The following MFSD11 variants were observed in gnomAD, a reference collection of about 807,000 sequenced individuals.
MFSD11 encodes the protein UNC93-like protein MFSD11.
In MFSD11, 36 loss-of-function variants were observed where a neutral mutation model predicts 53.5. The ratio of observed to expected loss-of-function variants is 0.67; its 90% CI spans 0.52 to 0.89. The LOEUF is 0.89. Among genes scored for constraint, MFSD11 ranks in the 40% least tolerant of loss-of-function variants. MFSD11 has a pLI of 0.00. For missense variants in MFSD11, 530 were observed against 543.9 expected (o/e 0.97, Z 0.25); for synonymous variants, 186 against 184.9 (o/e 1.01, Z -0.05).
intron 5 of MFSD11, among the ~76,000 whole-genome samples, chr17:76,742,616 C>CCA (rs2078198818): frequency 6.6e-6 from 1 of 152,076 alleles, no homozygotes; most frequent in Non-Finnish European, 1.5e-5. Flanking sequence ...AATTCTCCTG[C>CCA]CTTAGCCTCC....
At chr17:76,750,718 A>G (rs777145409) in intron 7 of MFSD11, among the ~76,000 whole-genome samples, 6 of 151,528 alleles carry the variant, frequency 4.0e-5, no homozygotes, top group Non-Finnish European at 7.4e-5. Context: ...TCTTAAGTTA[A>G]CAAGATCTTC....
chr17:76,788,625 G>A, the MFSD11 span, among the ~76,000 whole-genome samples: 2 of 149,516 alleles, frequency 1.3e-5, 1 homozygote, highest in Non-Finnish European at 3.0e-5. Flanking sequence ...GCCGAGGCAG[G>A]TGGATCATGA....
chr17:76,781,845 A>G (rs1017340975), downstream of MFSD11, among the ~76,000 whole-genome samples: 39 of 152,162 alleles, frequency 2.6e-4, no homozygotes, highest in Admixed American at 3.9e-4. Flanking sequence ...TGTTAGAGAC[A>G]GGGTCTTGCT....
At chr17:76,773,886 G>A (rs1157447999) in intron 10 of MFSD11, among the ~76,000 whole-genome samples, 3 of 151,822 alleles carry the variant, frequency 2.0e-5, no homozygotes, top group Non-Finnish European at 2.9e-5. Flanking sequence ...GATTACAGGC[G>A]TGAGCCACCA....
chr17:76,752,480 A>C (rs949855872), intron 7 of MFSD11, among the ~76,000 whole-genome samples: 3 of 151,476 alleles, frequency 2.0e-5, no homozygotes, highest in Non-Finnish European at 4.4e-5. Context: ...TCTGGGTTCA[A>C]GCGATTCTCA....
the MFSD11 span, among the ~76,000 whole-genome samples, chr17:76,791,819 A>G: frequency 6.8e-6 from 1 of 146,624 alleles, no homozygotes; most frequent in East Asian, 2.0e-4. Flanking sequence ...TTTGCTATAC[A>G]GCTGGTTTTG....
chr17:76,783,830 C>T (rs144439405), downstream of MFSD11, among the ~76,000 whole-genome samples: 1 of 152,236 alleles, frequency 6.6e-6, no homozygotes, highest in East Asian at 1.9e-4. Flanking sequence ...TCCCAAAATG[C>T]TGGGATTACA....
intron 8 of MFSD11, among the ~76,000 whole-genome samples, chr17:76,757,983 C>T (rs2079818700): frequency 6.6e-6 from 1 of 151,840 alleles, no homozygotes; most frequent in Non-Finnish European, 1.5e-5. Flanking sequence ...GTACTCCAGC[C>T]TGGGTGACAG....
intron 9 of MFSD11, chr17:76,769,047 G>A (rs895304889): frequency 4.6e-5 from 7 of 151,826 alleles, no homozygotes; most frequent in African/African-American, 1.7e-4. Flanking sequence ...AGGTTAATGA[G>A]CATGTTAGTC....
At chr17:76,802,221 C>T in the MFSD11 span, among the ~76,000 whole-genome samples, 5 of 151,988 alleles carry the variant, frequency 3.3e-5, no homozygotes, top group East Asian at 3.9e-4. Context: ...CAGTGAGTCC[C>T]GATTGTGCCA....
At chr17:76,754,300 A>C (rs2144467000) in intron 8 of MFSD11, 2 of 506,836 alleles carry the variant, frequency 3.9e-6, no homozygotes, top group East Asian at 3.4e-5. Context: ...CCACCTGCCC[A>C]GGTGTGTGAG....
intron 10 of MFSD11, among the ~76,000 whole-genome samples, chr17:76,774,247 A>G (rs2144878930): frequency 6.6e-6 from 1 of 152,202 alleles, no homozygotes; most frequent in South Asian, 2.1e-4. Context: ...AAATATATAT[A>G]CAATTTTTTC....
At position 76,741,955 on chromosome 17, in the gene MFSD11, C is replaced by T. The variant is rs200290733; in HGVS notation, c.261-14C>T. 8.7e-6 allele frequency: 14 copies of T among 1,613,898 alleles called. No homozygotes were observed. Among genetic ancestry groups the T allele is most frequent in the Non-Finnish European group, 1.2e-5 (14 of 1,179,986 alleles). On this transcript the variant is annotated splice_polypyrimidine_tract_variant and intron_variant, in intron 3 of 12. Transcript: ENST00000685175. ...TATCGTTTGACTGTAATACCTTGAC[C>T]TGTTATATTTTAGCATGTACATTGC... is the stretch of plus-strand genomic sequence containing the variant.
At chr17:76,741,898 C>CAGAA in intron 3 of MFSD11, 71 bp from the exon 4 acceptor site, 1 of 1,609,086 alleles carries the variant, frequency 6.2e-7, no homozygotes, top group Middle Eastern at 1.7e-4. Flanking sequence ...AGAACTGATT[C>CAGAA]CTAGAAGGCA....
intron 8 of MFSD11, chr17:76,767,085 G>A (rs2144746656): frequency 3.7e-6 from 1 of 273,572 alleles, no homozygotes; most frequent in South Asian, 5.0e-5. Flanking sequence ...CATGCCTTTT[G>A]AAGTACTTTG....
intron 10 of MFSD11, among the ~76,000 whole-genome samples, chr17:76,772,210 C>T (rs1231990111): frequency 1.3e-5 from 2 of 152,008 alleles, no homozygotes; most frequent in African/African-American, 4.8e-5. Flanking sequence ...CGCTTGAGTT[C>T]AGGAGTTTGA....
chr17:76,747,234 C>T, intron 7 of MFSD11, among the ~76,000 whole-genome samples: 1 of 152,114 alleles, frequency 6.6e-6, no homozygotes, highest in South Asian at 2.1e-4. Context: ...GTGCCTGGGG[C>T]TGGGTACAGT....
intron 9 of MFSD11, chr17:76,769,187 C>G (rs1264825992): frequency 6.6e-6 from 1 of 152,144 alleles, no homozygotes; most frequent in South Asian, 2.1e-4. Context: ...ATGGCAGATG[C>G]CGTCTTGTGG....
the MFSD11 span, among the ~76,000 whole-genome samples, chr17:76,789,679 G>A: frequency 6.7e-6 from 1 of 149,850 alleles, no homozygotes. Flanking sequence ...ACCTGATAGG[G>A]GCCCTCTCCT....
Sources: gnomAD v4.1 joint callset for allele counts (sites outside exome capture counted in the v4.1 genomes callset) on GRCh38, gnomAD v4.1.1 for gene constraint, MANE v1.5 for transcripts, NCBI Gene and HGNC (gene_info 2026-07-23, HGNC 2026-07-21) for gene names.